SHANK2: variants seen among roughly 807,000 people sequenced by gnomAD.
SHANK2 encodes the protein SH3 and multiple ankyrin repeat domains 2.
In SHANK2, 43 loss-of-function variants were observed where a neutral mutation model predicts 133.7. The observed-to-expected ratio is 0.32, with a 90% CI of 0.25 to 0.41. The LOEUF is 0.41. SHANK2 is among the 10% of genes least tolerant of loss of function. The pLI, the probability that SHANK2 is intolerant of heterozygous loss-of-function variation, is 1.00. For synonymous variants in SHANK2, 1,017 were observed against 952.8 expected, an observed-to-expected ratio of 1.07 and a Z score of -1.24; for missense variants, 1,994 against 2,235.8, an observed-to-expected ratio of 0.89 and a Z score of 2.18.
chr11:70,664,209 C>A (rs1944637135), intron 15 of SHANK2, among the ~76,000 whole-genome samples: 1 of 152,196 alleles, frequency 6.6e-6, no homozygotes, highest in African/African-American at 2.4e-5. Context: ...AACGAGAACA[C>A]AGACTTGTGT....
chr11:70,872,534 C>T (rs1555070396), intron 11 of SHANK2, among the ~76,000 whole-genome samples: 1 of 151,904 alleles, frequency 6.6e-6, no homozygotes, highest in East Asian at 2.0e-4. Context: ...GTGCAAACGA[C>T]CAAGTGGCTG....
chr11:70,737,375 A>G (rs1946427379), intron 14 of SHANK2, among the ~76,000 whole-genome samples: 1 of 152,284 alleles, frequency 6.6e-6, no homozygotes, highest in South Asian at 2.1e-4. Flanking sequence ...CTCACCCATC[A>G]GGGTCCCGGG....
intron 8 of SHANK2, among the ~76,000 whole-genome samples, chr11:71,083,972 T>TA (rs1951339002): frequency 3.2e-5 from 1 of 30,834 alleles, no homozygotes; most frequent in Non-Finnish European, 1.1e-4. Context: ...GAATAACAAC[T>TA]TTTTTTTGGG....
In SHANK2 at chr11:70,925,216, A is replaced by T. The variant is rs1265858249; in HGVS notation, c.1108-28649T>A. On this transcript the variant is annotated intron_variant, in intron 10 of 25. Transcript: ENST00000601538. ...TGTATGTTTAAGAAAGCAATGGTTA[A>T]ATATATGCCCTATTTCATCAGCAAC... Among the ~76,000 whole-genome samples the T allele has an allele frequency of 2.0e-5, 3 of 152,200 alleles. No individual in the cohort carries two copies. The East Asian group carries it at 5.8e-4, about 29-fold the overall frequency.
chr11:70,814,840 C>T (rs1002391526), intron 12 of SHANK2, among the ~76,000 whole-genome samples: 3 of 152,230 alleles, frequency 2.0e-5, no homozygotes. Context: ...AGGACATTCC[C>T]TGGTGGGTGA....
intron 17 of SHANK2, among the ~76,000 whole-genome samples, chr11:70,650,464 C>T (rs190922308): frequency 2.2e-4 from 34 of 152,286 alleles, no homozygotes; most frequent in Admixed American, 1.6e-3. Context: ...AGAGCCAGTG[C>T]CCTGGAGTGG....
At chr11:70,661,164 G>A (rs1475260041) in intron 16 of SHANK2, among the ~76,000 whole-genome samples, 1 of 152,158 alleles carries the variant, frequency 6.6e-6, no homozygotes, top group Non-Finnish European at 1.5e-5. Flanking sequence ...TCCCAGAATG[G>A]GGCAGTTTCT....
At chr11:70,746,453 C>T (rs571399551) in intron 14 of SHANK2, among the ~76,000 whole-genome samples, 5 of 151,978 alleles carry the variant, frequency 3.3e-5, no homozygotes, top group East Asian at 3.9e-4. Context: ...CACACTCTCC[C>T]GCCTCTCCAG....
At chr11:71,058,452 T>C (rs1950947497) in intron 9 of SHANK2, among the ~76,000 whole-genome samples, 1 of 152,226 alleles carries the variant, frequency 6.6e-6, no homozygotes, top group African/African-American at 2.4e-5. Flanking sequence ...AGCAGTAGAA[T>C]ACTGATGTAG....
intron 17 of SHANK2, among the ~76,000 whole-genome samples, chr11:70,527,015 G>A (rs1030385948): frequency 4.0e-5 from 6 of 151,680 alleles, no homozygotes; most frequent in Admixed American, 6.6e-5. Context: ...AGTCCTCAAC[G>A]CTTCCTACAC....
chr11:71,117,500 T>TG (rs1952000239), intron 4 of SHANK2, among the ~76,000 whole-genome samples: 1 of 152,172 alleles, frequency 6.6e-6, no homozygotes, highest in African/African-American at 2.4e-5. Flanking sequence ...GCTTCCAGGA[T>TG]GGGGGCTGGT....
At chr11:70,543,503 C>T (rs532685308) in intron 17 of SHANK2, among the ~76,000 whole-genome samples, 1 of 152,252 alleles carries the variant, frequency 6.6e-6, no homozygotes, top group South Asian at 2.1e-4. Flanking sequence ...CATAAAACCC[C>T]CAAAAGGACA....
intron 17 of SHANK2, among the ~76,000 whole-genome samples, chr11:70,552,656 C>T (rs958879212): frequency 5.3e-5 from 8 of 152,274 alleles, no homozygotes; most frequent in South Asian, 2.1e-4. Flanking sequence ...CGTCGCTGGG[C>T]GTCATTAAAC....
At chr11:70,564,303 G>C (rs1184557837) in intron 17 of SHANK2, among the ~76,000 whole-genome samples, 1 of 151,268 alleles carries the variant, frequency 6.6e-6, no homozygotes, top group Non-Finnish European at 1.5e-5. Flanking sequence ...CTGTTGCCCA[G>C]GCTGGAGTGC....
intron 17 of SHANK2, among the ~76,000 whole-genome samples, chr11:70,531,714 C>T (rs977809743): frequency 1.3e-5 from 2 of 152,116 alleles, no homozygotes; most frequent in African/African-American, 4.8e-5. Flanking sequence ...TGGGTAGGAG[C>T]GCAGAGACAC....
intron 8 of SHANK2, 74 bp downstream of exon 8, chr11:71,092,348 C>A (rs545816624): frequency 1.3e-6 from 2 of 1,518,492 alleles, no homozygotes; most frequent in Non-Finnish European, 8.9e-7. Flanking sequence ...GGCCACCCTG[C>A]TTATCTGCGG....
At chr11:70,826,391 C>T in intron 11 of SHANK2, 1 of 466,298 alleles carries the variant, frequency 2.1e-6, no homozygotes. Flanking sequence ...CTGGAGTCCT[C>T]CCTCTCCCCC....
chr11:70,782,179 C>G (rs1179605075), intron 14 of SHANK2, among the ~76,000 whole-genome samples: 1 of 152,172 alleles, frequency 6.6e-6, no homozygotes, highest in African/African-American at 2.4e-5. Flanking sequence ...ATTCTCCTGC[C>G]TCAGCCTCCT....
At chr11:70,546,219 G>GT (rs1268841615) in intron 17 of SHANK2, among the ~76,000 whole-genome samples, 4 of 151,206 alleles carry the variant, frequency 2.6e-5, no homozygotes, top group Admixed American at 1.3e-4. Flanking sequence ...AATCACAGGT[G>GT]TGAACCACTG....
Sources: gnomAD v4.1 joint callset for allele counts (sites outside exome capture counted in the v4.1 genomes callset) on GRCh38, gnomAD v4.1.1 for gene constraint, MANE v1.5 for transcripts, NCBI Gene and HGNC (gene_info 2026-07-23, HGNC 2026-07-21) for gene names.